The following NTN4 variants were observed in gnomAD, a reference collection of about 807,000 sequenced individuals.
NTN4 encodes netrin-4.
A neutral mutation model predicts 73.6 loss-of-function variants in NTN4; 32 were observed. The observed-to-expected ratio is 0.44, with a 90% CI of 0.33 to 0.58. The LOEUF is 0.58. Ranked by LOEUF, NTN4 falls within the 20% of genes least tolerant of loss-of-function variation. NTN4 has a pLI of 0.04. For synonymous variants in NTN4, 258 were observed against 287.5 expected (o/e 0.90, Z 1.04); for missense variants, 654 against 798.3 (o/e 0.82, Z 2.18).
At chr12:95,782,871 C>T (rs2079142977) in intron 2 of NTN4, among the ~76,000 whole-genome samples, 1 of 152,190 alleles carries the variant, frequency 6.6e-6, no homozygotes. Context: ...TTGGGCCACA[C>T]TGGAACAGAT....
chr12:95,741,259 T>TATAC (rs2078821447), intron 2 of NTN4, among the ~76,000 whole-genome samples: 1 of 150,356 alleles, frequency 6.7e-6, no homozygotes, highest in Non-Finnish European at 1.5e-5. Context: ...ATGTTTCTCC[T>TATAC]ATACATACAT....
chr12:95,725,395 T>C (rs2078685573), intron 3 of NTN4, among the ~76,000 whole-genome samples: 1 of 152,152 alleles, frequency 6.6e-6, no homozygotes, highest in Admixed American at 6.5e-5. Context: ...GTAAGGATTA[T>C]TAAGTACTTT....
chr12:95,762,782 A>G (rs2078997200), intron 2 of NTN4, among the ~76,000 whole-genome samples: 1 of 152,240 alleles, frequency 6.6e-6, no homozygotes, highest in Non-Finnish European at 1.5e-5. Context: ...ATTTTTCAGG[A>G]TGTTTAAGCT....
chr12:95,713,623 G>A (rs761318746), intron 3 of NTN4, among the ~76,000 whole-genome samples: 1 of 152,068 alleles, frequency 6.6e-6, no homozygotes, highest in Non-Finnish European at 1.5e-5. Context: ...CTAAAGTACT[G>A]GCTAAGTTTT....
At chr12:95,693,604 C>G (rs78934485) in intron 5 of NTN4, among the ~76,000 whole-genome samples, 4 of 151,114 alleles carry the variant, frequency 2.6e-5, no homozygotes, top group Admixed American at 6.6e-5. Context: ...GGTGGTGCAT[C>G]CCTGTAATCC....
intron 2 of NTN4, among the ~76,000 whole-genome samples, chr12:95,775,210 G>C (rs1214755055): frequency 6.6e-6 from 1 of 152,186 alleles, no homozygotes; most frequent in Non-Finnish European, 1.5e-5. Context: ...TTGGTTCCAA[G>C]ATGGCTGAAT....
intron 2 of NTN4, among the ~76,000 whole-genome samples, chr12:95,785,668 C>CT (rs1447963363): frequency 6.6e-6 from 1 of 152,204 alleles, no homozygotes; most frequent in African/African-American, 2.4e-5. Flanking sequence ...TGGCAAGCAC[C>CT]TCCCCATACC....
intron 2 of NTN4, among the ~76,000 whole-genome samples, chr12:95,750,225 C>T (rs1211798998): frequency 1.3e-4 from 19 of 151,594 alleles, no homozygotes; most frequent in Admixed American, 8.6e-4. Flanking sequence ...TTCCGTGCCC[C>T]GACCTCTTAT....
At position 95,735,536 on chromosome 12, in the gene NTN4, A is replaced by C. The variant is rs376764246; in HGVS notation, c.864+2330T>G. Among the ~76,000 whole-genome samples, 10 of 152,380 alleles carry C rather than the reference A, an allele frequency of 6.6e-5. No homozygotes were observed. The East Asian group carries it at 1.9e-3, about 29-fold the overall frequency. On this transcript the variant is annotated intron_variant, in intron 3 of 9. Transcript: ENST00000343702. The stretch of plus-strand genomic sequence containing the variant: ...ATTTCAAAGCAGCAGGAGATTAGTA[A>C]GAAAATGAGGTTTCCGTTCCATAGG...
In NTN4 at chr12:95,790,400, G is replaced by A; in HGVS notation, c.-91C>T. On this transcript the variant is annotated 5_prime_UTR_variant, in exon 1 of 10. Coordinates refer to ENST00000343702, the MANE Select transcript of NTN4 (RefSeq NM_021229.4). This position sits in a 1 kb window ranked among gnomAD's most constrained non-coding sequence, Gnocchi z 6.5. ...CGGGATGAAGCGCCGCCGTCCTCGG[G>A]AGGGAACGGGGCCCTGGTTTCTTCC... is the stretch of plus-strand genomic sequence containing the variant. 1 of 1,133,220 alleles carries A rather than the reference G, an allele frequency of 8.8e-7. No individual in the cohort carries two copies. The highest frequency in any genetic ancestry group is 1.2e-6 in the Non-Finnish European group (1 of 825,226). The allele number at this position is 1,133,220 out of a possible 1,614,324, so 70.2% of individuals were successfully genotyped here. A position where few individuals can be genotyped will look rare whatever the true frequency, so the allele number is the denominator to read the frequency against.
intron 2 of NTN4, among the ~76,000 whole-genome samples, chr12:95,778,703 C>G (rs1279675786): frequency 6.6e-6 from 1 of 152,038 alleles, no homozygotes; most frequent in Non-Finnish European, 1.5e-5. Flanking sequence ...CAGGACCAGA[C>G]GGATTCACAG....
chr12:95,780,485 G>A (rs1227498442), intron 2 of NTN4, among the ~76,000 whole-genome samples: 1 of 152,136 alleles, frequency 6.6e-6, no homozygotes, highest in Non-Finnish European at 1.5e-5. Flanking sequence ...CAACAAGTAG[G>A]CGAAGGATAT....
chr12:95,674,994 G>T (rs2078262293), intron 7 of NTN4, among the ~76,000 whole-genome samples: 1 of 152,166 alleles, frequency 6.6e-6, no homozygotes, highest in Non-Finnish European at 1.5e-5. Context: ...TTACAGATTT[G>T]GTTTAGCAAA....
At chr12:95,690,731 A>G (rs999812928) in intron 5 of NTN4, among the ~76,000 whole-genome samples, 1 of 152,164 alleles carries the variant, frequency 6.6e-6, no homozygotes, top group African/African-American at 2.4e-5. Flanking sequence ...TTTTGAGATG[A>G]CGAAACCTAT....
intron 3 of NTN4, among the ~76,000 whole-genome samples, chr12:95,731,168 TG>T (rs1337724953): frequency 6.6e-6 from 1 of 152,220 alleles, no homozygotes; most frequent in Non-Finnish European, 1.5e-5. Flanking sequence ...GACATTGAAA[TG>T]TAGAGGACTT....
intron 5 of NTN4, among the ~76,000 whole-genome samples, chr12:95,709,407 T>C (rs1043550066): frequency 2.6e-5 from 4 of 152,280 alleles, no homozygotes; most frequent in African/African-American, 9.6e-5. Flanking sequence ...AAGCCCTGCA[T>C]GCACCCTTTA....
At chr12:95,755,851 G>A (rs1367735175) in intron 2 of NTN4, among the ~76,000 whole-genome samples, 1 of 152,176 alleles carries the variant, frequency 6.6e-6, no homozygotes, top group African/African-American at 2.4e-5. Context: ...TGAGGAATGA[G>A]AAACAAGATA....
chr12:95,679,808 C>T (rs1182515262), intron 7 of NTN4, among the ~76,000 whole-genome samples: 1 of 152,126 alleles, frequency 6.6e-6, no homozygotes, highest in Non-Finnish European at 1.5e-5. Flanking sequence ...AAGCCAAGGT[C>T]CTCATAGTGG....
At chr12:95,747,917 C>T (rs1335748387) in intron 2 of NTN4, among the ~76,000 whole-genome samples, 1 of 151,938 alleles carries the variant, frequency 6.6e-6, no homozygotes, top group African/African-American at 2.4e-5. Context: ...ATAACTAGCA[C>T]AATTTTACTT....
Sources: gnomAD v4.1 joint callset for allele counts (sites outside exome capture counted in the v4.1 genomes callset) on GRCh38, gnomAD v4.1.1 for gene constraint, Gnocchi (gnomAD v3.1) non-coding constraint, MANE v1.5 for transcripts, NCBI Gene and HGNC (gene_info 2026-07-23, HGNC 2026-07-21) for gene names.